The following COL5A1 variants were observed in gnomAD, a reference collection of about 807,000 sequenced individuals.
The protein encoded by COL5A1 is collagen type V alpha 1 chain.
Under a neutral mutation model 263.7 loss-of-function variants are expected in COL5A1, and 16 were observed. That is an observed-to-expected ratio of 0.06 (90% CI 0.04 to 0.09). COL5A1 has a LOEUF of 0.09. COL5A1 is among the 10% of genes least tolerant of loss of function. The probability of loss-of-function intolerance (pLI) is 1.00; values close to 1 mark genes in which losing one functional copy is unlikely to be tolerated. For missense variants in COL5A1, 2,036 were observed against 2,540.5 expected (o/e 0.80, Z 4.27); for synonymous variants, 1,012 against 1,004.5 (o/e 1.01, Z -0.14).
chr9:134,727,805 C>T (rs1834716971), intron 5 of COL5A1, among the ~76,000 whole-genome samples: 1 of 152,184 alleles, frequency 6.6e-6, no homozygotes, highest in Non-Finnish European at 1.5e-5. Flanking sequence ...GAATGGCCAG[C>T]CCTCGGATCC....
chr9:134,747,604 C>T (rs930317372), intron 11 of COL5A1, among the ~76,000 whole-genome samples: 11 of 151,090 alleles, frequency 7.3e-5, no homozygotes, highest in South Asian at 4.2e-4. Context: ...TGCATTCACA[C>T]GCACATTCAC....
chr9:134,712,473 T>C, intron 4 of COL5A1, among the ~76,000 whole-genome samples: 1 of 75,618 alleles, frequency 1.3e-5, no homozygotes, highest in Non-Finnish European at 2.6e-5. Context: ...GTCCCCCTCC[T>C]TCCTATTTCC....
At chr9:134,760,157 GCACACA>G (rs1181420325) in intron 18 of COL5A1, among the ~76,000 whole-genome samples, 1 of 83,156 alleles carries the variant, frequency 1.2e-5, no homozygotes, top group Admixed American at 1.8e-4. Flanking sequence ...CACCACACAT[GCACACA>G]CATACATGCA....
chr9:134,717,129 GGAAT>G (rs1196245718), intron 4 of COL5A1, among the ~76,000 whole-genome samples: 1 of 152,112 alleles, frequency 6.6e-6, no homozygotes, highest in Non-Finnish European at 1.5e-5. Context: ...CCTGGCAGCT[GGAAT>G]GGGGGGATCT....
intron 4 of COL5A1, chr9:134,709,259 G>C: frequency 3.3e-6 from 1 of 305,430 alleles, no homozygotes; most frequent in Non-Finnish European, 6.3e-6. Context: ...CATATTTGGG[G>C]CCTCTAGCTG....
Position 134,812,587 on chromosome 9 carries a change from G to A in COL5A1, c.3745-18G>A, listed in dbSNP as rs45556931. 146,807 of 1,609,704 alleles carry A rather than the reference G, an allele frequency of 0.091. 7,207 individuals are homozygous for A. The highest frequency in any genetic ancestry group is 0.17 in the African/African-American group (12,773 of 74,906). ...ATTTGCGTTTCCTCTGGGCTCAGTG[G>A]TCTCTCCCTTTTCCTAGGGCCCCCC... On this transcript the variant is annotated intron_variant, in intron 47 of 65. Coordinates refer to ENST00000371817, the MANE Select transcript of COL5A1 (RefSeq NM_000093.5).
At chr9:134,819,250 G>T (rs947060066) in intron 57 of COL5A1, among the ~76,000 whole-genome samples, 197 bp downstream of exon 57, 1 of 152,190 alleles carries the variant, frequency 6.6e-6, no homozygotes, top group Non-Finnish European at 1.5e-5. Context: ...GCCTCTGGGG[G>T]GTCCTGAGCA....
intron 65 of COL5A1, among the ~76,000 whole-genome samples, chr9:134,840,858 C>T (rs1392793065): frequency 6.6e-6 from 1 of 152,184 alleles, no homozygotes; most frequent in Non-Finnish European, 1.5e-5. Flanking sequence ...AGGACCTCCT[C>T]AACTCCCATC....
chr9:134,721,121 C>T (rs1564410483), intron 4 of COL5A1, among the ~76,000 whole-genome samples: 1 of 152,104 alleles, frequency 6.6e-6, no homozygotes, highest in South Asian at 2.1e-4. Flanking sequence ...CCCATCACAT[C>T]TTTCATCAGT....
rs769399946 is a variant in COL5A1 at position 134,681,803 on chromosome 9, T to G, written c.110-9109T>G. ...CTCAAGCTTGGGGTTATTTAGAGAC[T>G]CTCAAGTTTTTCTTGAAGTTAAGGA... On this transcript the variant is annotated intron_variant, in intron 1 of 65. Transcript: ENST00000371817. The surrounding 1 kb of genome is among the most constrained non-coding windows in gnomAD (Gnocchi z 4.3). 6.6e-6 allele frequency among the ~76,000 whole-genome samples: 1 copy of G among 152,200 alleles called. No homozygotes were observed. The highest frequency in any genetic ancestry group is 1.5e-5 in the Non-Finnish European group (1 of 68,020).
Position 134,642,294 on chromosome 9 carries a change from C to G in COL5A1, c.107C>G (p.Ala36Gly). The change falls in exon 1 of 66, where the codon GCA (alanine) becomes GGA (glycine). Residue 36 changes from alanine (A) to glycine (G), a missense_variant and splice_region_variant. Ala to Gly is a moderately conservative substitution (Grantham distance 60, BLOSUM62 0). This residue lies in a region of COL5A1 where 600 missense variants were observed against 634.5 expected (regional missense o/e 0.95). Transcript: ENST00000371817. This position sits in a 1 kb window ranked among gnomAD's most constrained non-coding sequence, Gnocchi z 4.5. ...CTGTGGGCGCCGCCTCCGAGCCGCG[C>G]AGGTAAGGGCGCCCCGGGGCGCGGG... is the stretch of plus-strand genomic sequence containing the variant. ...LLLWAPPPSR[A>G]AQPADLLKVL... 9.6e-7 allele frequency: 1 copy of G among 1,042,878 alleles called. No homozygotes were observed. Among genetic ancestry groups the G allele is most frequent in the Non-Finnish European group, 1.2e-6 (1 of 832,004 alleles). The allele number at this position is 1,042,878 out of a possible 1,614,324, so 64.6% of individuals were successfully genotyped here.
In COL5A1 at chr9:134,642,873, G is replaced by A. The variant is rs1197868428; in HGVS notation, c.109+577G>A. The stretch of plus-strand genomic sequence containing the variant: ...CAGCCTTGGTCACCTAAGTGTTCGG[G>A]GGCACTGGGGACCCCTGCAGGGTGG... On this transcript the variant is annotated intron_variant, in intron 1 of 65. Coordinates refer to ENST00000371817, the MANE Select transcript of COL5A1 (RefSeq NM_000093.5). The surrounding 1 kb of genome is among the most constrained non-coding windows in gnomAD (Gnocchi z 4.5). Among the ~76,000 whole-genome samples, 1 of 152,196 alleles carries A rather than the reference G, an allele frequency of 6.6e-6. No individual in the cohort carries two copies. Among genetic ancestry groups the A allele is most frequent in the Admixed American group, 6.5e-5 (1 of 15,284 alleles).
chr9:134,726,764 G>A (rs766011103), intron 4 of COL5A1, among the ~76,000 whole-genome samples: 5 of 151,882 alleles, frequency 3.3e-5, no homozygotes, highest in Non-Finnish European at 7.4e-5. Context: ...ATGGATGGAT[G>A]GATGGATGGG....
chr9:134,746,188 A>G (rs967396657), intron 11 of COL5A1, among the ~76,000 whole-genome samples: 1 of 152,174 alleles, frequency 6.6e-6, no homozygotes, highest in African/African-American at 2.4e-5. Context: ...GTGACCACTG[A>G]GAGCTTCTCC....
intron 4 of COL5A1, among the ~76,000 whole-genome samples, chr9:134,718,224 G>A (rs1479236178): frequency 2.0e-5 from 3 of 152,220 alleles, no homozygotes; most frequent in Non-Finnish European, 4.4e-5. Flanking sequence ...ACATGCTCCC[G>A]CCGTGGCCGC....
At chr9:134,753,769 C>G in intron 14 of COL5A1, 81 bp from the exon 15 acceptor site, 1 of 745,900 alleles carries the variant, frequency 1.3e-6, no homozygotes, top group Middle Eastern at 4.0e-4. Flanking sequence ...TCCCCCTGCC[C>G]CTCCCCTGCC....
intron 4 of COL5A1, among the ~76,000 whole-genome samples, chr9:134,726,655 G>A (rs1834664094): frequency 6.6e-6 from 1 of 151,890 alleles, no homozygotes; most frequent in South Asian, 2.1e-4. Flanking sequence ...TGGATGGATG[G>A]GTGGATGGGA....
chr9:134,738,434 A>G, intron 9 of COL5A1, 40 bp from the exon 10 acceptor site: 2 of 1,613,306 alleles, frequency 1.2e-6, no homozygotes, highest in South Asian at 1.1e-5. Flanking sequence ...GTCGGGAGGG[A>G]TGGGCTGCGG....
chr9:134,688,096 C>T (rs1049057365), intron 1 of COL5A1, among the ~76,000 whole-genome samples: 1 of 152,204 alleles, frequency 6.6e-6, no homozygotes, highest in African/African-American at 2.4e-5. Context: ...TCTGCTCTGG[C>T]ACAGGAAGCC....
Sources: allele counts gnomAD v4.1 joint callset (sites outside exome capture counted in the v4.1 genomes callset), GRCh38; gene constraint gnomAD v4.1.1; regional missense constraint gnomAD v4.1.1; non-coding constraint Gnocchi (gnomAD v3.1); transcripts MANE v1.5; gene names NCBI Gene and HGNC (gene_info 2026-07-23, HGNC 2026-07-21).